The following SND1 variants were observed in gnomAD, a reference collection of about 807,000 sequenced individuals.
SND1 encodes the protein staphylococcal nuclease and tudor domain containing 1, also known as staphylococcal nuclease domain-containing protein 1.
A neutral mutation model predicts 121.7 loss-of-function variants in SND1; 38 were observed. The observed-to-expected ratio is 0.31, with a 90% CI of 0.24 to 0.41. The LOEUF is 0.41. Ranked by LOEUF, SND1 falls within the 10% of genes least tolerant of loss-of-function variation. SND1 has a pLI of 1.00. For missense variants in SND1, 868 were observed against 1,184.6 expected (o/e 0.73, Z 3.92); for synonymous variants, 401 against 447.4 (o/e 0.90, Z 1.31).
chr7:128,059,942 C>G (rs1793204299), intron 16 of SND1, among the ~76,000 whole-genome samples: 1 of 152,138 alleles, frequency 6.6e-6, no homozygotes, highest in African/African-American at 2.4e-5. Context: ...GAAAATAGCC[C>G]GTTCAGAGGG....
chr7:127,671,871 G>A (rs1795523480), intron 1 of SND1, among the ~76,000 whole-genome samples: 2 of 152,086 alleles, frequency 1.3e-5, no homozygotes, highest in African/African-American at 4.8e-5. Flanking sequence ...CTACCATTTG[G>A]GGCTATTTTA....
chr7:128,059,903 G>A (rs1793203795), intron 16 of SND1, among the ~76,000 whole-genome samples: 1 of 152,190 alleles, frequency 6.6e-6, no homozygotes, highest in Non-Finnish European at 1.5e-5. Context: ...CCCAGCTGTG[G>A]GGACTGGGGC....
intron 1 of SND1, among the ~76,000 whole-genome samples, chr7:127,677,433 C>T (rs768943509): frequency 1.7e-4 from 26 of 152,190 alleles, no homozygotes; most frequent in Non-Finnish European, 2.1e-4. Flanking sequence ...ATTATAAAAA[C>T]GAGCAGTTTG....
intron 15 of SND1, among the ~76,000 whole-genome samples, chr7:127,939,468 T>A (rs1254694599): frequency 6.6e-6 from 1 of 152,220 alleles, no homozygotes; most frequent in Non-Finnish European, 1.5e-5. Flanking sequence ...CCTGGTTTAA[T>A]GGCAGTCACA....
At chr7:127,844,559 C>A in intron 12 of SND1, 135 bp downstream of exon 12, 1 of 615,530 alleles carries the variant, frequency 1.6e-6, no homozygotes. Flanking sequence ...AATTTTGTGC[C>A]TGTGTAGCAC....
chr7:127,834,554 T>G (rs1798830578), intron 11 of SND1, among the ~76,000 whole-genome samples: 1 of 152,202 alleles, frequency 6.6e-6, no homozygotes, highest in African/African-American at 2.4e-5. Flanking sequence ...ACGCCGTGCC[T>G]TTGATCATGG....
chr7:127,960,620 A>G (rs552042456), intron 15 of SND1, among the ~76,000 whole-genome samples: 2 of 152,352 alleles, frequency 1.3e-5, no homozygotes, highest in Admixed American at 6.5e-5. Flanking sequence ...CCATTCAGCT[A>G]TATTCTGTAG....
chr7:128,053,368 TG>T (rs1184561177), intron 16 of SND1, among the ~76,000 whole-genome samples: 2 of 152,166 alleles, frequency 1.3e-5, no homozygotes, highest in Non-Finnish European at 2.9e-5. Context: ...GGCACTTAAG[TG>T]GAGAATTGCC....
At chr7:127,955,811 C>G (rs1415456996) in intron 15 of SND1, among the ~76,000 whole-genome samples, 1 of 152,220 alleles carries the variant, frequency 6.6e-6, no homozygotes, top group Non-Finnish European at 1.5e-5. Flanking sequence ...CATATCTGCT[C>G]ACATCATGCC....
At position 127,745,982 on chromosome 7, in the gene SND1, CTTTGAATCCAT is replaced by C. The variant is rs1361042957; in HGVS notation, c.1152+24587_1152+24597del. ...CACTGCTTATTGTGAGTTTAGAAAC[CTTTGAATCCAT>C]TTTGGGGTAGTCAGCTCCTTTATCT... is the stretch of plus-strand genomic sequence containing the variant. On this transcript the variant is annotated intron_variant, in intron 10 of 23. Transcript: ENST00000354725. Among the ~76,000 whole-genome samples the C allele has an allele frequency of 2.0e-5, 3 of 152,286 alleles. No homozygotes were observed. In the East Asian group the frequency reaches 5.8e-4, roughly 29 times the overall value.
At chr7:127,832,100 G>A (rs1488352180) in intron 11 of SND1, among the ~76,000 whole-genome samples, 1 of 152,170 alleles carries the variant, frequency 6.6e-6, no homozygotes, top group Non-Finnish European at 1.5e-5. Flanking sequence ...TATTTATTCA[G>A]TATTGGTAAT....
chr7:127,709,119 C>G (rs1161592034), intron 9 of SND1, among the ~76,000 whole-genome samples: 1 of 152,162 alleles, frequency 6.6e-6, no homozygotes, highest in East Asian at 1.9e-4. Flanking sequence ...GTGGGACTTG[C>G]ACCTGTTGGG....
At chr7:128,046,148 G>A (rs1397813622) in intron 16 of SND1, among the ~76,000 whole-genome samples, 1 of 152,146 alleles carries the variant, frequency 6.6e-6, no homozygotes, top group Admixed American at 6.5e-5. Context: ...ACAGGCTGAA[G>A]TGCAGTGGCA....
At chr7:128,028,888 C>T (rs1792485810) in intron 16 of SND1, 1 of 1,614,038 alleles carries the variant, frequency 6.2e-7, no homozygotes, top group Non-Finnish European at 8.5e-7. Flanking sequence ...GACGGAGCTG[C>T]TGTTGCTGCT....
chr7:128,051,484 C>A (rs544909172), intron 16 of SND1, among the ~76,000 whole-genome samples: 1 of 152,280 alleles, frequency 6.6e-6, no homozygotes, highest in African/African-American at 2.4e-5. Context: ...TATTTACCAC[C>A]AACTGTAGCT....
chr7:128,054,585 G>A (rs1195328947), intron 16 of SND1, among the ~76,000 whole-genome samples: 2 of 152,190 alleles, frequency 1.3e-5, no homozygotes, highest in East Asian at 1.9e-4. Flanking sequence ...ATTTTGTCAT[G>A]TGGCATGTCT....
chr7:127,753,553 A>G (rs568646668), intron 10 of SND1, among the ~76,000 whole-genome samples: 2 of 152,224 alleles, frequency 1.3e-5, no homozygotes, highest in South Asian at 2.1e-4. Context: ...TTATGGTTAC[A>G]TAACGCAACT....
chr7:127,671,200 T>G (rs935707866), intron 1 of SND1, among the ~76,000 whole-genome samples: 4 of 152,214 alleles, frequency 2.6e-5, no homozygotes, highest in African/African-American at 9.7e-5. Flanking sequence ...TTAGTATGTT[T>G]AGCATCTTGA....
At chr7:127,947,635 T>C (rs1801357428) in intron 15 of SND1, among the ~76,000 whole-genome samples, 1 of 152,198 alleles carries the variant, frequency 6.6e-6, no homozygotes, top group Non-Finnish European at 1.5e-5. Context: ...CTGAGGACTC[T>C]GGGCGCTGGC....
Sources: gnomAD v4.1 joint callset for allele counts (sites outside exome capture counted in the v4.1 genomes callset) on GRCh38, gnomAD v4.1.1 for gene constraint, MANE v1.5 for transcripts, NCBI Gene and HGNC (gene_info 2026-07-23, HGNC 2026-07-21) for gene names.